Variants in FERRY3 observed in about 807,000 individuals in gnomAD.
FERRY3 encodes the protein FERRY endosomal RAB5 effector complex subunit 3.
the FERRY3 span, chr12:4,529,862 G>T: frequency 1.3e-6 from 2 of 1,564,938 alleles, no homozygotes; most frequent in South Asian, 1.2e-5. Context: ...CAAGAAATTT[G>T]AAATACCTCT....
chr12:4,515,984 C>T, the FERRY3 span, among the ~76,000 whole-genome samples: 1 of 151,696 alleles, frequency 6.6e-6, no homozygotes, highest in South Asian at 2.1e-4. Context: ...TGTAAATTTC[C>T]TAAATAGAAA....
At chr12:4,531,797 G>A in the FERRY3 span, among the ~76,000 whole-genome samples, 3 of 152,148 alleles carry the variant, frequency 2.0e-5, no homozygotes, top group South Asian at 2.1e-4. Context: ...TTGGCACCAA[G>A]TTCAAAGAAT....
the FERRY3 span, among the ~76,000 whole-genome samples, chr12:4,536,701 G>C: frequency 6.6e-6 from 1 of 152,134 alleles, no homozygotes; most frequent in South Asian, 2.1e-4. Flanking sequence ...AGATTTCCAT[G>C]TGGGAAGAAG....
At chr12:4,506,972 T>C in the FERRY3 span, among the ~76,000 whole-genome samples, 1 of 152,192 alleles carries the variant, frequency 6.6e-6, no homozygotes, top group African/African-American at 2.4e-5. Context: ...TTTATAAACC[T>C]ACTTGCATCA....
At chr12:4,515,913 C>T in the FERRY3 span, among the ~76,000 whole-genome samples, 1 of 151,922 alleles carries the variant, frequency 6.6e-6, no homozygotes, top group Non-Finnish European at 1.5e-5. Context: ...AAATTGTATA[C>T]CTCAAATATA....
At chr12:4,498,071 T>G in the FERRY3 span, among the ~76,000 whole-genome samples, 1 of 152,236 alleles carries the variant, frequency 6.6e-6, no homozygotes. Flanking sequence ...ATTGGACACT[T>G]TGGAAACAAA....
At chr12:4,490,825 C>T in the FERRY3 span, among the ~76,000 whole-genome samples, 1 of 152,044 alleles carries the variant, frequency 6.6e-6, no homozygotes, top group Non-Finnish European at 1.5e-5. Context: ...TATGATTTCT[C>T]AAATCAAATT....
the FERRY3 span, chr12:4,530,106 C>T: frequency 2.0e-6 from 3 of 1,494,870 alleles, no homozygotes; most frequent in African/African-American, 2.8e-5. Context: ...TTATTTAACA[C>T]ACTACTAGAA....
chr12:4,520,940 C>T, the FERRY3 span, among the ~76,000 whole-genome samples: 1 of 152,144 alleles, frequency 6.6e-6, no homozygotes, highest in Non-Finnish European at 1.5e-5. Context: ...GAAACCAAAC[C>T]TACCTCAACT....
chr12:4,514,644 A>G, the FERRY3 span, among the ~76,000 whole-genome samples: 3 of 150,344 alleles, frequency 2.0e-5, no homozygotes, highest in African/African-American at 7.4e-5. Context: ...CTATCGCAAG[A>G]ACAAAAAACC....
At chr12:4,531,252 C>T in the FERRY3 span, among the ~76,000 whole-genome samples, 8 of 152,190 alleles carry the variant, frequency 5.3e-5, no homozygotes, top group African/African-American at 1.9e-4. Context: ...AACTGTTCAT[C>T]TTTAGACGTG....
chr12:4,492,591 C>G, the FERRY3 span, among the ~76,000 whole-genome samples: 17 of 152,294 alleles, frequency 1.1e-4, no homozygotes, highest in Non-Finnish European at 2.2e-4. Flanking sequence ...AGGACCACTC[C>G]TTTTCTTCAT....
chr12:4,512,584 A>G, the FERRY3 span, among the ~76,000 whole-genome samples: 2 of 151,798 alleles, frequency 1.3e-5, no homozygotes, highest in Non-Finnish European at 2.9e-5. Context: ...GGCTGATTCA[A>G]TATACGCAAA....
At chr12:4,509,690 G>A in the FERRY3 span, among the ~76,000 whole-genome samples, 1 of 142,950 alleles carries the variant, frequency 7.0e-6, no homozygotes, top group South Asian at 2.2e-4. Flanking sequence ...TGAGGGTCCT[G>A]TCTGTTAGAA....
the FERRY3 span, among the ~76,000 whole-genome samples, chr12:4,521,323 T>C: frequency 6.6e-6 from 1 of 152,000 alleles, no homozygotes; most frequent in African/African-American, 2.4e-5. Context: ...CGCGGCATTG[T>C]AGGCATTGTA....
At chr12:4,509,350 T>G in the FERRY3 span, 70 of 174,970 alleles carry the variant, frequency 4.0e-4, 3 homozygotes, top group African/African-American at 1.5e-3. Flanking sequence ...CGGGCTTGAT[T>G]AGGTAAACAA....
At chr12:4,536,936 C>T in the FERRY3 span, among the ~76,000 whole-genome samples, 1 of 152,140 alleles carries the variant, frequency 6.6e-6, no homozygotes, top group African/African-American at 2.4e-5. Context: ...TAGTAATCTT[C>T]CTTTTTAAAA....
the FERRY3 span, chr12:4,505,505 C>T: frequency 3.5e-5 from 23 of 648,388 alleles, no homozygotes; most frequent in Non-Finnish European, 5.4e-5. Context: ...GCCAGGCATT[C>T]TGCTATATGC....
chr12:4,517,876 T>C, the FERRY3 span, among the ~76,000 whole-genome samples: 3 of 152,072 alleles, frequency 2.0e-5, no homozygotes, highest in Non-Finnish European at 4.4e-5. Context: ...AAAATAAATA[T>C]GAAGCACTCT....
Sources: allele counts gnomAD v4.1 joint callset (sites outside exome capture counted in the v4.1 genomes callset), GRCh38; gene constraint gnomAD v4.1.1; transcripts MANE v1.5; gene names NCBI Gene and HGNC (gene_info 2026-07-23, HGNC 2026-07-21).